The following MAGI1 variants were observed in gnomAD, a reference collection of about 807,000 sequenced individuals.
MAGI1 encodes the protein membrane associated guanylate kinase, WW and PDZ domain containing 1.
Under a neutral mutation model 139.9 loss-of-function variants are expected in MAGI1, and 58 were observed. The observed-to-expected ratio is 0.41, with a 90% CI of 0.34 to 0.52. The LOEUF (loss-of-function observed/expected upper bound fraction) is 0.52. Among genes scored for constraint, MAGI1 ranks in the 20% least tolerant of loss-of-function variants. The pLI, the probability that MAGI1 is intolerant of heterozygous loss-of-function variation, is 0.12. For missense variants in MAGI1, 1,874 were observed against 1,901.6 expected (o/e 0.99, Z 0.27); for synonymous variants, 812 against 737.9 (o/e 1.10, Z -1.63).
chr3:65,959,579 C>T (rs2064305253), intron 1 of MAGI1, among the ~76,000 whole-genome samples: 2 of 149,940 alleles, frequency 1.3e-5, no homozygotes, highest in South Asian at 4.2e-4. Context: ...GGACTACAGA[C>T]ATGGGCCACC....
intron 1 of MAGI1, among the ~76,000 whole-genome samples, chr3:65,694,832 A>G (rs575045405): frequency 6.6e-6 from 1 of 152,360 alleles, no homozygotes; most frequent in South Asian, 2.1e-4. Flanking sequence ...AAATACTGCA[A>G]TCACTACTCA....
chr3:65,831,269 A>G (rs2042510492), intron 1 of MAGI1, among the ~76,000 whole-genome samples: 1 of 152,204 alleles, frequency 6.6e-6, no homozygotes, highest in Non-Finnish European at 1.5e-5. Context: ...CTTCGCTAAG[A>G]GCCTCCTCCG....
chr3:65,926,146 A>G (rs2106659856), intron 1 of MAGI1, among the ~76,000 whole-genome samples: 2 of 152,356 alleles, frequency 1.3e-5, no homozygotes, highest in Middle Eastern at 6.8e-3. Flanking sequence ...GTATTTCTTT[A>G]AATGAAGTCA....
intron 1 of MAGI1, among the ~76,000 whole-genome samples, chr3:65,922,431 G>A (rs975258919): frequency 1.3e-5 from 2 of 151,336 alleles, no homozygotes; most frequent in Admixed American, 6.6e-5. Context: ...TCAGAGACAT[G>A]GACACACACA....
At chr3:65,408,308 T>C (rs1021658183) in intron 12 of MAGI1, among the ~76,000 whole-genome samples, 2 of 152,208 alleles carry the variant, frequency 1.3e-5, no homozygotes, top group Non-Finnish European at 2.9e-5. Context: ...TCGCCTTCTT[T>C]CTTGGAAAGA....
chr3:65,869,187 C>T (rs1192759147), intron 1 of MAGI1, among the ~76,000 whole-genome samples: 5 of 143,106 alleles, frequency 3.5e-5, no homozygotes, highest in African/African-American at 1.0e-4. Context: ...ACCCAGGAGG[C>T]GGAGCTTGCA....
intron 6 of MAGI1, chr3:65,452,455 T>A (rs1303316335): frequency 6.6e-6 from 1 of 152,222 alleles, no homozygotes; most frequent in Non-Finnish European, 1.5e-5. Context: ...CAGAATTGAA[T>A]AATGAGTAGC....
intron 2 of MAGI1, among the ~76,000 whole-genome samples, chr3:65,574,846 A>G (rs1390080497): frequency 6.6e-6 from 1 of 152,100 alleles, no homozygotes; most frequent in Non-Finnish European, 1.5e-5. Context: ...TGCAAAGACA[A>G]TTAAGTGGAG....
intron 1 of MAGI1, among the ~76,000 whole-genome samples, chr3:65,854,795 A>G (rs1231963292): frequency 6.6e-6 from 1 of 152,236 alleles, no homozygotes; most frequent in African/African-American, 2.4e-5. Context: ...CAGGGTGCAA[A>G]GCCATGACAG....
intron 2 of MAGI1, among the ~76,000 whole-genome samples, chr3:65,525,622 T>A (rs2078345223): frequency 6.6e-6 from 1 of 152,204 alleles, no homozygotes; most frequent in Admixed American, 6.5e-5. Flanking sequence ...AAGCACTGTA[T>A]AATCATCTGA....
intron 7 of MAGI1, 104 bp from the exon 8 acceptor site, chr3:65,442,953 C>G: frequency 1.3e-6 from 1 of 788,402 alleles, no homozygotes; most frequent in Non-Finnish European, 2.2e-6. Context: ...CATAAAAATG[C>G]TTTAAATCCA....
intron 3 of MAGI1, among the ~76,000 whole-genome samples, chr3:65,488,511 A>T (rs950545090): frequency 1.7e-4 from 25 of 150,902 alleles, no homozygotes; most frequent in African/African-American, 5.9e-4. Context: ...TAATTTTTAT[A>T]TTTTTTTTTG....
chr3:65,994,832 T>C (rs1217358041), intron 1 of MAGI1, among the ~76,000 whole-genome samples: 3 of 152,230 alleles, frequency 2.0e-5, no homozygotes, highest in African/African-American at 7.2e-5. Context: ...TGGGTTTCAC[T>C]GAGGCTATCT....
intron 3 of MAGI1, among the ~76,000 whole-genome samples, chr3:65,490,828 A>C (rs1163157310): frequency 7.9e-6 from 1 of 126,602 alleles, no homozygotes; most frequent in East Asian, 2.4e-4. Flanking sequence ...TGGGCGACAG[A>C]GCGAGACTCT....
At chr3:65,650,856 G>A (rs2085536312) in intron 1 of MAGI1, among the ~76,000 whole-genome samples, 3 of 152,122 alleles carry the variant, frequency 2.0e-5, no homozygotes, top group African/African-American at 7.2e-5. Flanking sequence ...ACTACTATAC[G>A]ATTCTTACAA....
rs145602490 is a variant in MAGI1, at chr3:65,456,295, A to T, written c.960-2955T>A. Among the ~76,000 whole-genome samples the T allele has an allele frequency of 7.5e-4, 114 of 152,156 alleles. 1 individual carries two copies. The East Asian group carries it at 0.02, about 26-fold the overall frequency. ...GGCTGAACTAATATTTCATGTGCAT[A>T]TCTTCCATCTATATACCCTTTTCAG... On this transcript the variant is annotated intron_variant, in intron 5 of 22. Transcript: ENST00000402939.
intron 18 of MAGI1, chr3:65,372,012 G>C (rs77790423): frequency 3.8e-4 from 110 of 293,310 alleles, no homozygotes; most frequent in African/African-American, 2.2e-3. Flanking sequence ...ATCTTGTTAA[G>C]GTCAACATGT....
At chr3:65,769,543 G>A (rs2037773922) in intron 1 of MAGI1, among the ~76,000 whole-genome samples, 1 of 152,044 alleles carries the variant, frequency 6.6e-6, no homozygotes, top group Admixed American at 6.6e-5. Context: ...AAGCCTCCTA[G>A]AAATAAACAG....
chr3:65,471,145 T>C (rs1263758839), intron 4 of MAGI1, among the ~76,000 whole-genome samples: 1 of 152,140 alleles, frequency 6.6e-6, no homozygotes, highest in Non-Finnish European at 1.5e-5. Context: ...AACAGTATCA[T>C]GTGGGTGGAC....
Sources: gnomAD v4.1 joint callset for allele counts (sites outside exome capture counted in the v4.1 genomes callset) on GRCh38, gnomAD v4.1.1 for gene constraint, MANE v1.5 for transcripts, NCBI Gene and HGNC (gene_info 2026-07-23, HGNC 2026-07-21) for gene names.